The following KCNK12 variants were observed in gnomAD, a reference collection of about 807,000 sequenced individuals.
The protein encoded by KCNK12 is potassium channel subfamily K member 12.
Under a neutral mutation model 25.3 loss-of-function variants are expected in KCNK12, and 6 were observed. That is an observed-to-expected ratio of 0.24 (90% CI 0.13 to 0.47). KCNK12 has a LOEUF of 0.47. Among genes scored for constraint, KCNK12 ranks in the 20% least tolerant of loss-of-function variants. KCNK12 has a pLI of 0.99. For synonymous variants in KCNK12, 331 were observed against 311.1 expected, an observed-to-expected ratio of 1.06 and a Z score of -0.67; for missense variants, 444 against 661.7, an observed-to-expected ratio of 0.67 and a Z score of 3.61.
rs967790336 is a variant in KCNK12, at chr2:47,566,281, T to C, written c.391+3660A>G. ...TCAGGACAAACATTCTACTTCATTG[T>C]GGTGTTCCATGTAACCTTGAGTACA... On this transcript the variant is annotated intron_variant, in intron 1 of 1. Coordinates refer to ENST00000327876, the MANE Select transcript of KCNK12 (RefSeq NM_022055.2). The surrounding 1 kb of genome is among the most constrained non-coding windows in gnomAD (Gnocchi z 4.1). 3 of 152,200 alleles carry C rather than the reference T, an allele frequency of 2.0e-5. No individual in the cohort carries two copies. The highest frequency in any genetic ancestry group is 7.2e-5 in the African/African-American group (3 of 41,438). 9.4% of individuals were successfully genotyped at this position (152,200 alleles called of 1,614,324 possible). A position where few individuals can be genotyped will look rare whatever the true frequency, so the allele number is the denominator to read the frequency against.
intron 1 of KCNK12, among the ~76,000 whole-genome samples, chr2:47,544,065 C>T (rs1357348101): frequency 3.3e-5 from 5 of 152,198 alleles, no homozygotes; most frequent in Non-Finnish European, 5.9e-5. Context: ...AGAAAGCCAA[C>T]CACCCATGTC....
intron 1 of KCNK12, chr2:47,534,780 C>CA (rs2104788600): frequency 5.6e-6 from 1 of 178,078 alleles, no homozygotes; most frequent in East Asian, 9.3e-5. Context: ...GGAGACAGAC[C>CA]AGCCAGGCGT....
intron 1 of KCNK12, chr2:47,564,180 C>A: frequency 4.3e-6 from 1 of 231,526 alleles, no homozygotes; most frequent in East Asian, 6.1e-5. Flanking sequence ...ATGTGCGGCC[C>A]CTTTCCATGG....
Position 47,521,648 on chromosome 2 carries a change from C to G in KCNK12, c.552G>C (p.Leu184=). The change falls in exon 2 of 2, where the codon CTG becomes CTC. Residue 184 remains leucine (L), a synonymous_variant. Coordinates refer to ENST00000327876, the MANE Select transcript of KCNK12 (RefSeq NM_022055.2). The part of the protein sequence containing the change: ...FIMRACRERQ[L]RRSGLLPATF... ...TGGCGGGCAGCAGGCCGCTGCGGCG[C>G]AGCTGGCGCTCCCGGCAGGCGCGCA... 1 of 1,591,070 alleles carries G rather than the reference C, an allele frequency of 6.3e-7. No homozygotes were observed. The highest frequency in any genetic ancestry group is 1.1e-5 in the South Asian group (1 of 87,290).
In KCNK12 at chr2:47,516,348, G is replaced by A. The variant is rs1340750255; in HGVS notation, c.*4559C>T. On this transcript the variant is annotated 3_prime_UTR_variant, in exon 2 of 2. Transcript: ENST00000327876. ...GAGAGCCTCGGGCACAGCCAGGTTG[G>A]ATCCATCTCCCAGTCCCCCAGCCTT... is the stretch of plus-strand genomic sequence containing the variant. Among the ~76,000 whole-genome samples, 1 of 152,192 alleles carries A rather than the reference G, an allele frequency of 6.6e-6. No homozygotes were observed. Among genetic ancestry groups the A allele is most frequent in the Non-Finnish European group, 1.5e-5 (1 of 68,038 alleles).
Position 47,512,473 on chromosome 2 carries a change from TA to T in KCNK12, c.*8433del. The T allele has an allele frequency of 6.5e-7, 1 of 1,547,922 alleles. No homozygotes were observed. The highest frequency in any genetic ancestry group is 8.7e-7 in the Non-Finnish European group (1 of 1,146,518). On this transcript the variant is annotated 3_prime_UTR_variant, in exon 2 of 2. Transcript: ENST00000327876. Reference sequence around the variant, plus strand: ...GCCTTCTGGTTAAGTTTTTCATTTGTAATTCTACAAACATCCCTTCTGTAAA... The same window carrying T: ...GCCTTCTGGTTAAGTTTTTCATTTGTATTCTACAAACATCCCTTCTGTAAA...
intron 1 of KCNK12, among the ~76,000 whole-genome samples, chr2:47,524,725 T>C (rs1237662954): frequency 6.6e-6 from 1 of 152,206 alleles, no homozygotes; most frequent in Non-Finnish European, 1.5e-5. Flanking sequence ...TGTTAAATTG[T>C]ATGTTTTGTG....
chr2:47,565,319 G>A lies in KCNK12; in HGVS notation c.391+4622C>T, dbSNP rs1022851129. ...ATGTAAATGTGGTAGTGACATTTTG[G>A]GCTTATAATGTCTTAGTTTCCTTTG... is the stretch of plus-strand genomic sequence containing the variant. On this transcript the variant is annotated intron_variant, in intron 1 of 1. Coordinates refer to ENST00000327876, the MANE Select transcript of KCNK12 (RefSeq NM_022055.2). This position sits in a 1 kb window ranked among gnomAD's most constrained non-coding sequence, Gnocchi z 5.0. 4 of 152,232 alleles carry A rather than the reference G, an allele frequency of 2.6e-5. No individual in the cohort carries two copies. Among genetic ancestry groups the A allele is most frequent in the African/African-American group, 9.6e-5 (4 of 41,530 alleles). The allele number at this position is 152,232 out of a possible 1,614,324, so 9.4% of individuals were successfully genotyped here.
At chr2:47,531,149 T>C (rs188161991) in intron 1 of KCNK12, among the ~76,000 whole-genome samples, 2 of 152,034 alleles carry the variant, frequency 1.3e-5, no homozygotes, top group Admixed American at 6.5e-5. Flanking sequence ...GAAAGACATA[T>C]GGAAGAAGAG....
At chr2:47,537,571 C>T (rs369878149) in intron 1 of KCNK12, among the ~76,000 whole-genome samples, 2 of 152,126 alleles carry the variant, frequency 1.3e-5, no homozygotes, top group African/African-American at 2.4e-5. Flanking sequence ...CCTCGTGATC[C>T]GCCCGCCTCG....
intron 1 of KCNK12, among the ~76,000 whole-genome samples, chr2:47,554,336 T>C (rs1669506227): frequency 6.6e-6 from 1 of 152,062 alleles, no homozygotes; most frequent in East Asian, 1.9e-4. Context: ...TAAGGCAGAA[T>C]AGTGTGAGGG....
rs1450740010 is a variant in KCNK12, at chr2:47,513,830, C to T, written c.*7077G>A. 6.6e-6 allele frequency among the ~76,000 whole-genome samples: 1 copy of T among 152,162 alleles called. No individual in the cohort carries two copies. ...TCCCCATCCAGGCAAATCATTGATT[C>T]TGTGGACCTACTCTTTCGGGTGTCC... is the stretch of plus-strand genomic sequence containing the variant. On this transcript the variant is annotated 3_prime_UTR_variant, in exon 2 of 2. Coordinates refer to ENST00000327876, the MANE Select transcript of KCNK12 (RefSeq NM_022055.2).
At chr2:47,534,524 C>CA (rs1041087675) in intron 1 of KCNK12, among the ~76,000 whole-genome samples, 1 of 127,736 alleles carries the variant, frequency 7.8e-6, no homozygotes, top group Non-Finnish European at 1.7e-5. Context: ...AACCCCCCCC[C>CA]CCGCCCCCAC....
rs1349068518 is a variant in KCNK12, at chr2:47,525,352, C to T, written c.392-3544G>A. 6.6e-6 allele frequency among the ~76,000 whole-genome samples: 1 copy of T among 152,174 alleles called. No individual in the cohort carries two copies. The highest frequency in any genetic ancestry group is 1.5e-5 in the Non-Finnish European group (1 of 68,028). ...GTTGGAGCAGGGAAGGTCAAGAGGA[C>T]TTATGGAGTGTCAGCAAGAGCCCGG... On this transcript the variant is annotated intron_variant, in intron 1 of 1. Coordinates refer to ENST00000327876, the MANE Select transcript of KCNK12 (RefSeq NM_022055.2). This position sits in a 1 kb window ranked among gnomAD's most constrained non-coding sequence, Gnocchi z 4.1.
Position 47,551,274 on chromosome 2 carries a change from A to G in KCNK12, c.391+18667T>C, listed in dbSNP as rs570338680. On this transcript the variant is annotated intron_variant, in intron 1 of 1. Coordinates refer to ENST00000327876, the MANE Select transcript of KCNK12 (RefSeq NM_022055.2). The surrounding 1 kb of genome is among the most constrained non-coding windows in gnomAD (Gnocchi z 5.3). Reference sequence around the variant, plus strand: ...GCACTGGCTGGAGCCCTCTTCCTCCAGGCAGCCACATGGCTCACTCCCTTA... The same window carrying G: ...GCACTGGCTGGAGCCCTCTTCCTCCGGGCAGCCACATGGCTCACTCCCTTA... 1.0e-3 allele frequency among the ~76,000 whole-genome samples: 154 copies of G among 151,124 alleles called. 2 individuals carry two copies. Among genetic ancestry groups the G allele is most frequent in the Non-Finnish European group, 1.4e-3 (94 of 67,722 alleles).
rs1182591081 is a variant in KCNK12, at chr2:47,570,442, GGAGCCCCTCGCCGCCTTCGCA to G, written c.-132_-112del. 25 of 1,102,138 alleles carry G rather than the reference GGAGCCCCTCGCCGCCTTCGCA, an allele frequency of 2.3e-5. No homozygotes were observed. Among genetic ancestry groups the G allele is most frequent in the African/African-American group, 4.9e-5 (3 of 60,762 alleles). The allele number at this position is 1,102,138 out of a possible 1,614,324, so 68.3% of individuals were successfully genotyped here. A position where few individuals can be genotyped will look rare whatever the true frequency, so the allele number is the denominator to read the frequency against. Reference sequence around the variant, plus strand: ...GTGGCCAGGGGTCCGGGGCCGCCGCGGAGCCCCTCGCCGCCTTCGCAGAGCCCCTCGTCGCCTTCCCAGAGC... The same window carrying G: ...GTGGCCAGGGGTCCGGGGCCGCCGCGGAGCCCCTCGTCGCCTTCCCAGAGC... On this transcript the variant is annotated 5_prime_UTR_variant, in exon 1 of 2. Coordinates refer to ENST00000327876, the MANE Select transcript of KCNK12 (RefSeq NM_022055.2).
Position 47,566,736 on chromosome 2 carries a change from AGAC to A in KCNK12, c.391+3202_391+3204del, listed in dbSNP as rs1283763624. 6.6e-6 allele frequency: 1 copy of A among 152,214 alleles called. No homozygotes were observed. The highest frequency in any genetic ancestry group is 1.9e-4 in the East Asian group (1 of 5,190). 9.4% of individuals were successfully genotyped at this position (152,214 alleles called of 1,614,324 possible). ...CACTCTCTCTCACACTCAGACAGAC[AGAC>A]ATTATTAAATATTGCAATCTCAAAC... On this transcript the variant is annotated intron_variant, in intron 1 of 1. Coordinates refer to ENST00000327876, the MANE Select transcript of KCNK12 (RefSeq NM_022055.2). This position sits in a 1 kb window ranked among gnomAD's most constrained non-coding sequence, Gnocchi z 4.1.
At chr2:47,558,442 A>G (rs1241422298) in intron 1 of KCNK12, among the ~76,000 whole-genome samples, 1 of 152,134 alleles carries the variant, frequency 6.6e-6, no homozygotes, top group East Asian at 1.9e-4. Context: ...TTCTTTCCCG[A>G]CCTTCCATTT....
intron 1 of KCNK12, among the ~76,000 whole-genome samples, chr2:47,558,232 C>G (rs1669590297): frequency 6.6e-6 from 1 of 152,230 alleles, no homozygotes. Context: ...CAGAATCTGG[C>G]AAGAGAAGCA....
Sources: allele counts gnomAD v4.1 joint callset (sites outside exome capture counted in the v4.1 genomes callset), GRCh38; gene constraint gnomAD v4.1.1; non-coding constraint Gnocchi (gnomAD v3.1); transcripts MANE v1.5; gene names NCBI Gene and HGNC (gene_info 2026-07-23, HGNC 2026-07-21).